LARGE1: variants seen among roughly 807,000 people sequenced by gnomAD.
LARGE1 encodes xylosyl- and glucuronyltransferase LARGE1.
In LARGE1, 43 loss-of-function variants were observed where a neutral mutation model predicts 87.6. The ratio of observed to expected loss-of-function variants is 0.49; its 90% confidence interval spans 0.38 to 0.63. The LOEUF (loss-of-function observed/expected upper bound fraction) is 0.63, where lower values mean the gene tolerates loss of function less well. LARGE1 is among the 30% of genes least tolerant of loss of function. The pLI, the probability that LARGE1 is intolerant of heterozygous loss-of-function variation, is 0.00. For missense variants in LARGE1, 802 were observed against 1,000.2 expected, an observed-to-expected ratio of 0.80 and a Z score of 2.67; for synonymous variants, 434 against 394.6, an observed-to-expected ratio of 1.10 and a Z score of -1.18.
At chr22:33,661,793 G>A (rs1677528837) in intron 2 of LARGE1, among the ~76,000 whole-genome samples, 1 of 152,104 alleles carries the variant, frequency 6.6e-6, no homozygotes, top group Non-Finnish European at 1.5e-5. Flanking sequence ...TCATGAGTGT[G>A]TCTTTAATTG....
At chr22:33,544,532 C>A (rs1286101009) in intron 6 of LARGE1, among the ~76,000 whole-genome samples, 1 of 152,060 alleles carries the variant, frequency 6.6e-6, no homozygotes, top group Non-Finnish European at 1.5e-5. Flanking sequence ...ACTAAAATTA[C>A]AAAAATTAGC....
At chr22:33,480,567 C>A (rs574362560) in intron 6 of LARGE1, among the ~76,000 whole-genome samples, 10 of 152,258 alleles carry the variant, frequency 6.6e-5, no homozygotes, top group African/African-American at 2.2e-4. Context: ...TGTATATATT[C>A]TCCAAGGGCT....
intron 5 of LARGE1, 128 bp from the exon 6 acceptor site, chr22:33,565,147 T>A: frequency 2.4e-6 from 2 of 827,732 alleles, no homozygotes; most frequent in Non-Finnish European, 3.9e-6. Context: ...GTTGAATAAA[T>A]GAATGAGTTT....
At chr22:33,591,900 C>A (rs2078849838) in intron 5 of LARGE1, among the ~76,000 whole-genome samples, 2 of 149,226 alleles carry the variant, frequency 1.3e-5, no homozygotes, top group African/African-American at 5.0e-5. Flanking sequence ...ATAGCATGTG[C>A]CTGTAGTCCC....
At chr22:33,418,951 G>A (rs1003387355) in intron 7 of LARGE1, among the ~76,000 whole-genome samples, 1 of 152,244 alleles carries the variant, frequency 6.6e-6, no homozygotes, top group African/African-American at 2.4e-5. Flanking sequence ...GAGGGCACTT[G>A]GGGTCTGAAC....
intron 11 of LARGE1, among the ~76,000 whole-genome samples, chr22:33,237,933 T>C (rs2145677600): frequency 6.6e-6 from 1 of 152,324 alleles, no homozygotes; most frequent in Non-Finnish European, 1.5e-5. Flanking sequence ...GAGTGGAGGC[T>C]GACATCACAT....
intron 1 of LARGE1, among the ~76,000 whole-genome samples, chr22:33,776,603 AT>A (rs2085246942): frequency 6.6e-6 from 1 of 152,020 alleles, no homozygotes. Context: ...TGTTCTTCCG[AT>A]TTTCATTCTG....
intron 11 of LARGE1, among the ~76,000 whole-genome samples, chr22:33,258,050 A>G (rs1172316919): frequency 6.6e-6 from 1 of 152,080 alleles, no homozygotes; most frequent in Non-Finnish European, 1.5e-5. Context: ...TTTTGAGACT[A>G]CAGAGTCCTG....
At chr22:33,270,510 T>C (rs754442277), downstream of LARGE1, among the ~76,000 whole-genome samples, 40 of 152,176 alleles carry the variant, frequency 2.6e-4, no homozygotes, top group Non-Finnish European at 5.7e-4. Flanking sequence ...GCAAGTCACA[T>C]TAATTTCTCT....
intron 5 of LARGE1, chr22:33,572,118 A>G (rs986043698): frequency 1.2e-5 from 11 of 881,394 alleles, no homozygotes; most frequent in Non-Finnish European, 1.7e-5. Context: ...TACTGGAAAT[A>G]TTTTTTGCTC....
chr22:33,507,332 A>C (rs1326394552), intron 6 of LARGE1, among the ~76,000 whole-genome samples: 1 of 152,192 alleles, frequency 6.6e-6, no homozygotes, highest in Non-Finnish European at 1.5e-5. Context: ...TGCAGAGCTA[A>C]GGATGCTGAC....
chr22:33,286,951 C>A (rs887492629), intron 12 of LARGE1, among the ~76,000 whole-genome samples: 1 of 152,168 alleles, frequency 6.6e-6, no homozygotes, highest in Non-Finnish European at 1.5e-5. Context: ...CTGGCAAGGG[C>A]AGGTTGTTTA....
chr22:33,867,799 A>G (rs922140531), intron 1 of LARGE1, among the ~76,000 whole-genome samples: 2 of 152,186 alleles, frequency 1.3e-5, no homozygotes, highest in Admixed American at 6.5e-5. Context: ...GTAGGATTAC[A>G]TGAGAGAACT....
Position 33,636,411 on chromosome 22 carries a change from G to A in LARGE1, c.409-10085C>T, listed in dbSNP as rs192936877. On this transcript the variant is annotated intron_variant, in intron 3 of 14. Coordinates refer to ENST00000397394, the MANE Select transcript of LARGE1 (RefSeq NM_133642.5). ...CATCAAGCTTTCTTGTTTTTAGAAT[G>A]TGCCTTCATTCTAGATTGCTCTGAC... 1.4e-3 allele frequency among the ~76,000 whole-genome samples: 220 copies of A among 152,258 alleles called. 1 individual carries two copies. Among genetic ancestry groups the A allele is most frequent in the Non-Finnish European group, 1.4e-3 (94 of 68,024 alleles).
chr22:33,653,082 T>C (rs1413972303), intron 2 of LARGE1, among the ~76,000 whole-genome samples: 1 of 152,186 alleles, frequency 6.6e-6, no homozygotes, highest in Non-Finnish European at 1.5e-5. Context: ...TAGGCAGCTA[T>C]TAATAATTGC....
intron 5 of LARGE1, among the ~76,000 whole-genome samples, chr22:33,568,706 C>T (rs181655610): frequency 1.6e-4 from 22 of 140,596 alleles, no homozygotes; most frequent in Admixed American, 3.3e-4. Flanking sequence ...GCGGAAGTTG[C>T]GGTGAGCAGA....
At chr22:33,280,050 G>A (rs1930125962) in intron 13 of LARGE1, among the ~76,000 whole-genome samples, 1 of 152,178 alleles carries the variant, frequency 6.6e-6, no homozygotes, top group Admixed American at 6.5e-5. Flanking sequence ...AAAATATAAA[G>A]AGTCTGGCGC....
chr22:33,374,083 T>A (rs2064916531), intron 9 of LARGE1, among the ~76,000 whole-genome samples: 1 of 151,772 alleles, frequency 6.6e-6, no homozygotes, highest in African/African-American at 2.4e-5. Flanking sequence ...GTCGGAATTA[T>A]CCCATGTAAC....
intron 1 of LARGE1, among the ~76,000 whole-genome samples, chr22:33,875,504 A>C (rs1601830505): frequency 6.6e-6 from 1 of 152,178 alleles, no homozygotes; most frequent in East Asian, 1.9e-4. Flanking sequence ...AACCATGCCA[A>C]GGGGACTCCA....
Sources: gnomAD v4.1 joint callset for allele counts (sites outside exome capture counted in the v4.1 genomes callset) on GRCh38, gnomAD v4.1.1 for gene constraint, MANE v1.5 for transcripts, NCBI Gene and HGNC (gene_info 2026-07-23, HGNC 2026-07-21) for gene names.